NFIB: variants seen among roughly 807,000 people sequenced by gnomAD.
NFIB encodes nuclear factor I B, also known as nuclear factor 1 B-type.
NFIB carries 11 observed loss-of-function variants against 61.5 expected under a neutral mutation model. That is an observed-to-expected ratio of 0.18 (90% CI 0.11 to 0.30). The LOEUF (loss-of-function observed/expected upper bound fraction) is 0.30. Ranked by LOEUF, NFIB falls within the 10% of genes least tolerant of loss-of-function variation. The pLI, the probability that NFIB is intolerant of heterozygous loss-of-function variation, is 1.00. For synonymous variants in NFIB, 260 were observed against 216.5 expected (o/e 1.20, Z -1.76); for missense variants, 471 against 608.9 (o/e 0.77, Z 2.38).
At chr9:14,493,889 T>C in the NFIB span, among the ~76,000 whole-genome samples, 1 of 152,210 alleles carries the variant, frequency 6.6e-6, no homozygotes, top group African/African-American at 2.4e-5. Context: ...TATTTCTCAT[T>C]AATGGAAGTG....
intron 2 of NFIB, among the ~76,000 whole-genome samples, chr9:14,261,500 A>G (rs1318052089): frequency 3.3e-5 from 5 of 152,210 alleles, no homozygotes; most frequent in Admixed American, 3.3e-4. Flanking sequence ...TTTGCTCTCT[A>G]AAAGTTTGTT....
Position 14,322,067 on chromosome 9 carries a change from G to C in NFIB, c.109-14547C>G, listed in dbSNP as rs964212861. On this transcript the variant is annotated intron_variant, in intron 1 of 8. Coordinates refer to the NFIB transcript ENST00000380934. Reference sequence around the variant, plus strand: ...AGGGGTTGTTTTGGTGTCGCTTTTTGTGTTTAGTTAAAAAAAAAAAAAAAA... The same window carrying C: ...AGGGGTTGTTTTGGTGTCGCTTTTTCTGTTTAGTTAAAAAAAAAAAAAAAA... 1.1e-5 allele frequency: 10 copies of C among 930,114 alleles called. No individual in the cohort carries two copies. The African/African-American group carries it at 2.6e-4, about 24-fold the overall frequency. The allele number at this position is 930,114 out of a possible 1,614,324, so 57.6% of individuals were successfully genotyped here. A position where few individuals can be genotyped will look rare whatever the true frequency, so the allele number is the denominator to read the frequency against.
chr9:14,110,561 T>C (rs2118994880), intron 10 of NFIB, among the ~76,000 whole-genome samples: 1 of 152,212 alleles, frequency 6.6e-6, no homozygotes. Context: ...ACCAAATGCA[T>C]TTAGAAACTG....
At chr9:14,387,304 G>A (rs754714555) in intron 1 of NFIB, among the ~76,000 whole-genome samples, 2 of 152,132 alleles carry the variant, frequency 1.3e-5, no homozygotes, top group African/African-American at 4.8e-5. Context: ...TAGCAAGCAC[G>A]GTGACATCAT....
At chr9:14,472,857 A>T in the NFIB span, among the ~76,000 whole-genome samples, 3 of 152,122 alleles carry the variant, frequency 2.0e-5, no homozygotes, top group Non-Finnish European at 1.5e-5. Context: ...ATAAAAATAA[A>T]AAAAAAAAGG....
the NFIB span, among the ~76,000 whole-genome samples, chr9:14,438,995 T>C: frequency 6.6e-6 from 1 of 152,156 alleles, no homozygotes; most frequent in Non-Finnish European, 1.5e-5. Flanking sequence ...GAAAGAAAAG[T>C]GTCGGCCGGA....
chr9:14,461,804 C>T, the NFIB span, among the ~76,000 whole-genome samples: 4 of 152,272 alleles, frequency 2.6e-5, no homozygotes, highest in East Asian at 5.8e-4. Flanking sequence ...ACTTATTCCA[C>T]CAGATCTTAA....
intron 6 of NFIB, among the ~76,000 whole-genome samples, chr9:14,135,392 T>G (rs1269094213): frequency 6.6e-6 from 1 of 152,192 alleles, no homozygotes; most frequent in East Asian, 1.9e-4. Flanking sequence ...AATGCTTCAA[T>G]GTAACATTTG....
chr9:14,415,015 G>A, the NFIB span, among the ~76,000 whole-genome samples: 7 of 152,166 alleles, frequency 4.6e-5, no homozygotes, highest in Non-Finnish European at 8.8e-5. Context: ...TTTCTGTGGG[G>A]CAGGAGTCAG....
At chr9:14,493,173 A>C in the NFIB span, among the ~76,000 whole-genome samples, 2 of 152,180 alleles carry the variant, frequency 1.3e-5, no homozygotes, top group Admixed American at 1.3e-4. Context: ...AGGGCCTCCC[A>C]GGACCCACAT....
chr9:14,091,254 T>TA (rs539772846), intron 10 of NFIB, among the ~76,000 whole-genome samples: 116 of 145,128 alleles, frequency 8.0e-4, no homozygotes, highest in Admixed American at 1.4e-3. Flanking sequence ...GTAGTCCTGT[T>TA]AAAAAAAAAA....
At chr9:14,142,193 G>A (rs992482246) in intron 6 of NFIB, among the ~76,000 whole-genome samples, 2 of 152,118 alleles carry the variant, frequency 1.3e-5, no homozygotes, top group Admixed American at 6.5e-5. Flanking sequence ...CAATTCCCAC[G>A]TGACATGGGA....
the NFIB span, among the ~76,000 whole-genome samples, chr9:14,443,314 C>T: frequency 6.6e-6 from 1 of 152,118 alleles, no homozygotes; most frequent in Non-Finnish European, 1.5e-5. Context: ...GCTTCCAAAC[C>T]AATGCCTTCA....
intron 3 of NFIB, among the ~76,000 whole-genome samples, chr9:14,169,079 T>G: frequency 6.6e-6 from 1 of 152,148 alleles, no homozygotes; most frequent in East Asian, 1.9e-4. Flanking sequence ...GTACTTCAAT[T>G]CAGAAAATGA....
the NFIB span, among the ~76,000 whole-genome samples, chr9:14,431,241 CA>C: frequency 6.6e-6 from 1 of 152,186 alleles, no homozygotes; most frequent in African/African-American, 2.4e-5. Flanking sequence ...TTATGACACT[CA>C]GTCACAATAA....
At chr9:14,135,653 A>G (rs1331705393) in intron 6 of NFIB, among the ~76,000 whole-genome samples, 1 of 152,202 alleles carries the variant, frequency 6.6e-6, no homozygotes, top group Non-Finnish European at 1.5e-5. Flanking sequence ...ATTAGCTGCC[A>G]TGTTAAGAAA....
chr9:14,124,025 T>G (rs2039313276), intron 7 of NFIB, among the ~76,000 whole-genome samples: 1 of 152,026 alleles, frequency 6.6e-6, no homozygotes, highest in African/African-American at 2.4e-5. Context: ...GCCCAGCCAA[T>G]GACGTGGCCC....
chr9:14,109,189 A>G (rs2036988490), intron 10 of NFIB, among the ~76,000 whole-genome samples: 1 of 152,050 alleles, frequency 6.6e-6, no homozygotes, highest in Non-Finnish European at 1.5e-5. Context: ...TCCATGCTAA[A>G]ATTGTTAGAC....
At chr9:14,265,554 C>G (rs547280819) in intron 2 of NFIB, among the ~76,000 whole-genome samples, 7 of 152,286 alleles carry the variant, frequency 4.6e-5, no homozygotes, top group East Asian at 1.9e-4. Context: ...CTTGGCCTTC[C>G]CAGCCTCCAG....
Sources: allele counts gnomAD v4.1 joint callset (sites outside exome capture counted in the v4.1 genomes callset), GRCh38; gene constraint gnomAD v4.1.1; transcripts MANE v1.5; gene names NCBI Gene and HGNC (gene_info 2026-07-23, HGNC 2026-07-21).